XAF1: variants seen among roughly 807,000 people sequenced by gnomAD.
The protein encoded by XAF1 is XIAP associated factor 1, also known as XIAP-associated factor 1.
Under a neutral mutation model 32.3 loss-of-function variants are expected in XAF1, and 32 were observed. The ratio of observed to expected loss-of-function variants is 0.99; its 90% CI spans 0.75 to 1.33. XAF1 has a LOEUF of 1.33. Among genes scored for constraint, XAF1 ranks in the 40% most tolerant of loss-of-function variants. The pLI is 0.00. For missense variants in XAF1, 379 were observed against 366.0 expected (o/e 1.04, Z -0.29); for synonymous variants, 120 against 125.9 (o/e 0.95, Z 0.31).
At chr17:6,755,537 G>T, upstream of XAF1, 5 of 996,276 alleles carry the variant, frequency 5.0e-6, no homozygotes, top group Non-Finnish European at 6.0e-6. Context: ...ACCAGATTGG[G>T]TCTGGGCTCA....
chr17:6,760,468 C>T lies in XAF1; in HGVS notation c.288C>T (p.Ser96=), dbSNP rs762130551. ...TCTGCAAACTGGACATGCAGCTCAG[C>T]AAGCTGGAGCTCCACGAGTCCTACT... ...CKFCKLDMQL[S]KLELHESYCG... Residue 96 remains serine, a synonymous_variant, in exon 4 of 7, where the codon AGC becomes AGT. Coordinates refer to ENST00000361842, the MANE Select transcript of XAF1 (RefSeq NM_017523.5). The T allele has an allele frequency of 2.5e-6, 4 of 1,613,002 alleles. No homozygotes were observed. The East Asian group carries it at 8.9e-5, about 36-fold the overall frequency.
chr17:6,761,954 C>G lies in XAF1; in HGVS notation c.422-201C>G, dbSNP rs779852893. ...TGCTGCCCTGAGTGCACATCTGTGG[C>G]CATAAAGGAAATGATGTGGGTGATT... is the stretch of plus-strand genomic sequence containing the variant. On this transcript the variant is annotated intron_variant, in intron 4 of 6. Coordinates refer to ENST00000361842, the MANE Select transcript of XAF1 (RefSeq NM_017523.5). The G allele has an allele frequency of 3.3e-6, 5 of 1,524,780 alleles. No individual in the cohort carries two copies. The South Asian group carries it at 6.0e-5, about 18-fold the overall frequency. 94.5% of individuals were successfully genotyped at this position (1,524,780 alleles called of 1,614,324 possible). A position where few individuals can be genotyped will look rare whatever the true frequency, so the allele number is the denominator to read the frequency against.
At chr17:6,760,052 A>G (rs999844230) in intron 3 of XAF1, among the ~76,000 whole-genome samples, 1 of 152,274 alleles carries the variant, frequency 6.6e-6, no homozygotes, top group Middle Eastern at 3.4e-3. Context: ...GCCTACAGTC[A>G]AAGAGGCCAG....
intron 5 of XAF1, among the ~76,000 whole-genome samples, chr17:6,767,395 T>G (rs1431278947): frequency 2.0e-5 from 3 of 152,136 alleles, no homozygotes; most frequent in Non-Finnish European, 4.4e-5. Flanking sequence ...CCGAAGAAGA[T>G]TACAAGCAAA....
At position 6,762,190 on chromosome 17, in the gene XAF1, T is replaced by C. The variant is rs61730352; in HGVS notation, c.457T>C (p.Cys153Arg). 79 of 1,613,832 alleles carry C rather than the reference T, an allele frequency of 4.9e-5. No individual in the cohort carries two copies. The African/African-American group carries it at 9.6e-4, about 20-fold the overall frequency. The change falls in exon 5 of 7, where the codon TGT becomes CGT. Residue 153 changes from cysteine to arginine, a missense_variant. Physicochemically the swap from Cys to Arg is radical, Grantham distance 180 (BLOSUM62 -3). Transcript: ENST00000361842. ...TTCAGCTCCTGAAAGGGAAATCTACTGTCATTATTGCAACCAAATGATTCC... is the reference window on the plus strand; with the variant it reads ...TTCAGCTCCTGAAAGGGAAATCTACCGTCATTATTGCAACCAAATGATTCC... ...RISAPEREIY[C>R]HYCNQMIPEN...
At chr17:6,755,657 T>C, upstream of XAF1, 1 of 1,032,848 alleles carries the variant, frequency 9.7e-7, no homozygotes, top group Admixed American at 4.9e-5. Context: ...ACATGGCAAG[T>C]TCCCTCTTTC....
intron 1 of XAF1, chr17:6,756,328 T>C: frequency 7.4e-7 from 1 of 1,358,214 alleles, no homozygotes; most frequent in Non-Finnish European, 9.6e-7. Flanking sequence ...TGCAGCCCCT[T>C]TCCCCCAAAT....
At chr17:6,756,833 A>G (rs2151522303) in intron 1 of XAF1, among the ~76,000 whole-genome samples, 1 of 152,246 alleles carries the variant, frequency 6.6e-6, no homozygotes, top group South Asian at 2.1e-4. Context: ...AGGCTTTGAC[A>G]GTCCCTCTCG....
chr17:6,758,316 G>A lies in XAF1; in HGVS notation c.168+92G>A, dbSNP rs143921350. 1,405 of 1,533,234 alleles carry A rather than the reference G, an allele frequency of 9.2e-4. 18 individuals are homozygous for A. The African/African-American group carries it at 0.017, about 19-fold the overall frequency. 95.0% of individuals were successfully genotyped at this position (1,533,234 alleles called of 1,614,324 possible). The stretch of plus-strand genomic sequence containing the variant: ...AGATGGGGTCTGAGAGTTGGGGGAC[G>A]AGGGTCTAGTCCTCCCTGCAGGTGA... On this transcript the variant is annotated intron_variant, in intron 2 of 6. Coordinates refer to ENST00000361842, the MANE Select transcript of XAF1 (RefSeq NM_017523.5).
At chr17:6,760,143 T>A (rs1223350233) in intron 3 of XAF1, among the ~76,000 whole-genome samples, 1 of 151,298 alleles carries the variant, frequency 6.6e-6, no homozygotes. Context: ...AGGTCAGGAG[T>A]TCGAGACCAG....
chr17:6,773,102 C>T lies in XAF1; in HGVS notation c.850-11C>T. 1.3e-6 allele frequency: 2 copies of T among 1,599,618 alleles called. No individual in the cohort carries two copies. Among genetic ancestry groups the T allele is most frequent in the Admixed American group, 3.6e-5 (2 of 56,210 alleles). ...TAACCATATCAAACTTTTTTTATAT[C>T]CATTTCTTAGGAGAAATGCCGGTGG... is the stretch of plus-strand genomic sequence containing the variant. On this transcript the variant is annotated splice_polypyrimidine_tract_variant and intron_variant, in intron 6 of 6. Transcript: ENST00000361842.
intron 5 of XAF1, among the ~76,000 whole-genome samples, chr17:6,768,725 C>T (rs769310846): frequency 7.2e-5 from 11 of 152,180 alleles, no homozygotes; most frequent in Non-Finnish European, 1.2e-4. Context: ...AGCCTAATTG[C>T]CATTCCTTTG....
intron 6 of XAF1, chr17:6,771,576 A>T (rs924270088): frequency 6.6e-6 from 1 of 152,180 alleles, no homozygotes; most frequent in African/African-American, 2.4e-5. Flanking sequence ...TATAATCTTC[A>T]TCATAAACAA....
chr17:6,755,659 C>T (rs763758798), upstream of XAF1: 80 of 1,032,890 alleles, frequency 7.7e-5, no homozygotes, highest in Non-Finnish European at 9.3e-5. Flanking sequence ...ATGGCAAGTT[C>T]CCTCTTTCCT....
In XAF1 at chr17:6,775,084, A is replaced by C. The variant is rs1976334622; in HGVS notation, c.*1915A>C. ...ATGTGGCACATATACACCATGGAAT[A>C]CTATGCAGCCATAAAAAAGAATGGG... On this transcript the variant is annotated 3_prime_UTR_variant, in exon 7 of 7. Transcript: ENST00000361842. 6.6e-6 allele frequency: 1 copy of C among 152,118 alleles called. No individual in the cohort carries two copies. The highest frequency in any genetic ancestry group is 2.4e-5 in the African/African-American group (1 of 41,394). The allele number at this position is 152,118 out of a possible 1,614,324, so 9.4% of individuals were successfully genotyped here. A position where few individuals can be genotyped will look rare whatever the true frequency, so the allele number is the denominator to read the frequency against.
chr17:6,755,903 G>A (rs1198315702), upstream of XAF1: 35 of 1,446,392 alleles, frequency 2.4e-5, no homozygotes, highest in Non-Finnish European at 2.6e-5. Flanking sequence ...TGGCCATGCT[G>A]TAAAGGGGCT....
At chr17:6,756,001 G>C (rs969770860), upstream of XAF1, 1 of 1,611,084 alleles carries the variant, frequency 6.2e-7, no homozygotes, top group Admixed American at 1.7e-5. Context: ...CTGTGGGCTG[G>C]GCCATCGGAA....
intron 1 of XAF1, chr17:6,756,322 G>C: frequency 7.3e-7 from 1 of 1,376,102 alleles, no homozygotes; most frequent in Non-Finnish European, 9.5e-7. Context: ...CTTCACTGCA[G>C]CCCCTTTCCC....
intron 5 of XAF1, among the ~76,000 whole-genome samples, chr17:6,764,370 A>C (rs994794676): frequency 1.3e-5 from 2 of 151,972 alleles, no homozygotes; most frequent in African/African-American, 4.8e-5. Context: ...TTGCCTACAC[A>C]AGGTCACACA....
Sources: gnomAD v4.1 joint callset for allele counts (sites outside exome capture counted in the v4.1 genomes callset) on GRCh38, gnomAD v4.1.1 for gene constraint, MANE v1.5 for transcripts, NCBI Gene and HGNC (gene_info 2026-07-23, HGNC 2026-07-21) for gene names.